Variants in TRAPPC9 observed in about 807,000 individuals in gnomAD.
TRAPPC9 encodes the protein trafficking protein particle complex subunit 9.
TRAPPC9 carries 83 observed loss-of-function variants against 124.0 expected under a neutral mutation model. That is an observed-to-expected ratio of 0.67 (90% CI 0.56 to 0.80). The LOEUF (loss-of-function observed/expected upper bound fraction) is 0.80, where lower values mean the gene tolerates loss of function less well. TRAPPC9 is among the 30% of genes least tolerant of loss of function. The probability of loss-of-function intolerance (pLI) is 0.00; values close to 1 mark genes in which losing one functional copy is unlikely to be tolerated. For missense variants in TRAPPC9, 1,302 were observed against 1,508.3 expected, an observed-to-expected ratio of 0.86 and a Z score of 2.27; for synonymous variants, 638 against 617.5, an observed-to-expected ratio of 1.03 and a Z score of -0.49.
chr8:139,806,891 C>T (rs1421019588), intron 21 of TRAPPC9, among the ~76,000 whole-genome samples: 2 of 152,242 alleles, frequency 1.3e-5, no homozygotes, highest in South Asian at 4.1e-4. Context: ...ATAGAAGGGG[C>T]GGGGGTGTTA....
chr8:140,193,428 G>C (rs2062543527), intron 17 of TRAPPC9, among the ~76,000 whole-genome samples: 1 of 152,078 alleles, frequency 6.6e-6, no homozygotes, highest in Admixed American at 6.6e-5. Context: ...GCAAAGCCTA[G>C]CTTCTTACCT....
intron 21 of TRAPPC9, among the ~76,000 whole-genome samples, chr8:139,846,748 C>A (rs910898648): frequency 1.2e-4 from 18 of 152,210 alleles, no homozygotes; most frequent in Admixed American, 1.1e-3. Flanking sequence ...CCATTCCCAT[C>A]CTCCCTCATC....
chr8:140,200,785 TG>T (rs2062769923), intron 17 of TRAPPC9, among the ~76,000 whole-genome samples: 1 of 152,128 alleles, frequency 6.6e-6, no homozygotes, highest in South Asian at 2.1e-4. Flanking sequence ...AGCGGATACA[TG>T]AGTAAAATCT....
Position 139,846,181 on chromosome 8 carries a change from C to T in TRAPPC9, c.3055+39698G>A, listed in dbSNP as rs116895562. Among the ~76,000 whole-genome samples, 1,244 of 152,348 alleles carry T rather than the reference C, an allele frequency of 8.2e-3. 7 individuals are homozygous for T. Among genetic ancestry groups the T allele is most frequent in the Non-Finnish European group, 0.011 (766 of 68,022 alleles). On this transcript the variant is annotated intron_variant, in intron 21 of 22. Coordinates refer to ENST00000438773, the MANE Select transcript of TRAPPC9 (RefSeq NM_001160372.4). ...AGACAGCTCGGCTTGGTGCCGGAAG[C>T]GGTAGAGGCTGTGTGAACAGTCCCA...
At chr8:140,246,393 C>T (rs1172600778) in intron 16 of TRAPPC9, among the ~76,000 whole-genome samples, 1 of 152,174 alleles carries the variant, frequency 6.6e-6, no homozygotes, top group African/African-American at 2.4e-5. Flanking sequence ...CTGGACTGGT[C>T]CGTTTCTAGA....
intron 17 of TRAPPC9, among the ~76,000 whole-genome samples, chr8:140,041,432 A>G (rs1275385528): frequency 6.6e-6 from 1 of 152,244 alleles, no homozygotes; most frequent in Non-Finnish European, 1.5e-5. Context: ...GATTTTTTCC[A>G]CAGAAAGTGA....
intron 17 of TRAPPC9, among the ~76,000 whole-genome samples, chr8:140,148,657 C>G (rs2061496669): frequency 6.6e-6 from 1 of 152,188 alleles, no homozygotes; most frequent in Admixed American, 6.5e-5. Flanking sequence ...GAGCTTCCCC[C>G]TAGAAAGCTT....
chr8:139,741,900 C>T (rs190554046), intron 21 of TRAPPC9, among the ~76,000 whole-genome samples: 3 of 152,274 alleles, frequency 2.0e-5, no homozygotes, highest in East Asian at 3.9e-4. Flanking sequence ...GGATGGGGCA[C>T]ATTTTGTTCA....
At chr8:139,848,369 T>C (rs1217303412) in intron 21 of TRAPPC9, among the ~76,000 whole-genome samples, 2 of 152,150 alleles carry the variant, frequency 1.3e-5, no homozygotes, top group Non-Finnish European at 2.9e-5. Context: ...ATGAGAGACA[T>C]GCACACATGC....
intron 5 of TRAPPC9, among the ~76,000 whole-genome samples, chr8:140,408,196 G>C (rs1393759739): frequency 6.6e-6 from 1 of 152,122 alleles, no homozygotes; most frequent in Non-Finnish European, 1.5e-5. Flanking sequence ...ATAGCCTGTA[G>C]ATTACAGGCA....
intron 21 of TRAPPC9, among the ~76,000 whole-genome samples, chr8:139,835,881 G>A (rs570530502): frequency 6.6e-5 from 10 of 152,324 alleles, no homozygotes; most frequent in Admixed American, 6.5e-4. Flanking sequence ...AGCAGTGGAG[G>A]ATGTGGCCTG....
intron 18 of TRAPPC9, among the ~76,000 whole-genome samples, chr8:140,009,291 T>C (rs1838967798): frequency 6.6e-6 from 1 of 152,218 alleles, no homozygotes; most frequent in Non-Finnish European, 1.5e-5. Context: ...CAGACTGATA[T>C]TGTCAAGACA....
intron 19 of TRAPPC9, among the ~76,000 whole-genome samples, chr8:139,966,229 G>A (rs1835697782): frequency 6.6e-6 from 1 of 152,172 alleles, no homozygotes; most frequent in South Asian, 2.1e-4. Flanking sequence ...CCCCAGAGAA[G>A]GAGACCAGAT....
intron 19 of TRAPPC9, among the ~76,000 whole-genome samples, chr8:139,915,631 T>C (rs2131306651): frequency 6.6e-6 from 1 of 152,336 alleles, no homozygotes; most frequent in Middle Eastern, 3.4e-3. Flanking sequence ...GACAAGAATC[T>C]GGGTCTGGGC....
At chr8:140,015,142 A>G (rs1358220040) in intron 18 of TRAPPC9, among the ~76,000 whole-genome samples, 1 of 152,212 alleles carries the variant, frequency 6.6e-6, no homozygotes, top group East Asian at 1.9e-4. Flanking sequence ...TTGCACCAAA[A>G]TTAGTCTGAA....
At chr8:139,812,877 A>G (rs1824539975) in intron 21 of TRAPPC9, among the ~76,000 whole-genome samples, 2 of 152,202 alleles carry the variant, frequency 1.3e-5, no homozygotes, top group African/African-American at 4.8e-5. Flanking sequence ...GCTACTTTAC[A>G]TGGGTTTCGG....
intron 20 of TRAPPC9, among the ~76,000 whole-genome samples, chr8:139,893,058 T>C (rs1830445362): frequency 6.6e-6 from 1 of 152,194 alleles, no homozygotes; most frequent in South Asian, 2.1e-4. Context: ...CTACAGGCCC[T>C]GTGGGAGTTA....
At chr8:140,016,399 A>T (rs1839465880) in intron 18 of TRAPPC9, among the ~76,000 whole-genome samples, 1 of 152,228 alleles carries the variant, frequency 6.6e-6, no homozygotes, top group South Asian at 2.1e-4. Context: ...AGAAAATCCC[A>T]GGCAAACCAG....
intron 17 of TRAPPC9, among the ~76,000 whole-genome samples, chr8:140,050,160 G>A (rs1245873541): frequency 6.6e-6 from 1 of 152,228 alleles, no homozygotes; most frequent in African/African-American, 2.4e-5. Context: ...ATTCGGCAAT[G>A]GAGGCCTTTG....
Sources: gnomAD v4.1 joint callset for allele counts (sites outside exome capture counted in the v4.1 genomes callset) on GRCh38, gnomAD v4.1.1 for gene constraint, MANE v1.5 for transcripts, NCBI Gene and HGNC (gene_info 2026-07-23, HGNC 2026-07-21) for gene names.